Variants in DPP6 observed in about 807,000 individuals in gnomAD.
The protein encoded by DPP6 is A-type potassium channel modulatory protein DPP6.
A neutral mutation model predicts 122.6 loss-of-function variants in DPP6; 69 were observed. The ratio of observed to expected loss-of-function variants is 0.56; its 90% confidence interval spans 0.46 to 0.69. The LOEUF is 0.69. Among genes scored for constraint, DPP6 ranks in the 30% least tolerant of loss-of-function variants. The probability of loss-of-function intolerance (pLI) is 0.00; values close to 1 mark genes in which losing one functional copy is unlikely to be tolerated. For synonymous variants in DPP6, 418 were observed against 433.1 expected (o/e 0.97, Z 0.43); for missense variants, 928 against 1,116.9 (o/e 0.83, Z 2.41).
intron 1 of DPP6, among the ~76,000 whole-genome samples, chr7:153,953,070 T>C (rs1395232897): frequency 6.6e-6 from 1 of 152,216 alleles, no homozygotes; most frequent in Non-Finnish European, 1.5e-5. Context: ...ATCTCCAGCC[T>C]GCAGCAGTGA....
intron 1 of DPP6, among the ~76,000 whole-genome samples, chr7:153,960,375 G>A (rs1795283638): frequency 6.6e-6 from 1 of 151,984 alleles, no homozygotes; most frequent in South Asian, 2.1e-4. Flanking sequence ...GTTTTAGTTG[G>A]ACAAAAACAC....
intron 1 of DPP6, among the ~76,000 whole-genome samples, chr7:154,072,622 T>G (rs1803198862): frequency 6.6e-6 from 1 of 152,308 alleles, no homozygotes; most frequent in Admixed American, 6.5e-5. Flanking sequence ...ACCCTGATAT[T>G]ACGGGACGTC....
At chr7:153,965,224 A>T (rs1285801566) in intron 1 of DPP6, among the ~76,000 whole-genome samples, 2 of 152,018 alleles carry the variant, frequency 1.3e-5, no homozygotes, top group African/African-American at 2.4e-5. Context: ...ATGCTTGTTA[A>T]TGCTTTTATT....
intron 1 of DPP6, among the ~76,000 whole-genome samples, chr7:153,985,340 C>T (rs1186750040): frequency 6.6e-6 from 1 of 152,204 alleles, no homozygotes; most frequent in Non-Finnish European, 1.5e-5. Flanking sequence ...CACCACTCCC[C>T]TAAGAGCAAC....
intron 16 of DPP6, among the ~76,000 whole-genome samples, chr7:154,825,201 A>G (rs895640610): frequency 6.6e-6 from 1 of 152,222 alleles, no homozygotes. Flanking sequence ...TCACTTGGTC[A>G]TTAAGAAATC....
At chr7:154,300,891 TACGGTCTTTAAAGAGGTGA>T (rs1805856952) in intron 1 of DPP6, among the ~76,000 whole-genome samples, 1 of 152,206 alleles carries the variant, frequency 6.6e-6, no homozygotes, top group Admixed American at 6.5e-5. Flanking sequence ...TATTTGGAGA[TACGGTCTTTAAAGAGGTGA>T]ATCAAGTTAA....
At position 154,208,307 on chromosome 7, in the gene DPP6, A is replaced by G. The variant is rs372865311; in HGVS notation, c.243+155244A>G. ...GACTAGGTAAGAGTTGGCTAGAGACAAGGAAGCATTTCCTTGGCCAAAAAT... is the reference window on the plus strand; with the variant it reads ...GACTAGGTAAGAGTTGGCTAGAGACGAGGAAGCATTTCCTTGGCCAAAAAT... On this transcript the variant is annotated intron_variant, in intron 1 of 25. Transcript: ENST00000377770. Among the ~76,000 whole-genome samples the G allele has an allele frequency of 8.9e-4, 135 of 152,334 alleles. 1 individual carries two copies. Among genetic ancestry groups the G allele is most frequent in the African/African-American group, 3.2e-3 (132 of 41,578 alleles).
At chr7:154,320,846 G>A (rs10254968) in intron 1 of DPP6, among the ~76,000 whole-genome samples, 22,960 of 151,978 alleles carry the variant, frequency 0.15, 2,625 homozygotes, top group African/African-American at 0.32. Context: ...GAGTTTTAGA[G>A]GAGGTAGTGT....
In DPP6 at chr7:154,606,925, A is replaced by C. The variant is rs1343985620; in HGVS notation, c.628-30896A>C. On this transcript the variant is annotated intron_variant, in intron 5 of 25. Transcript: ENST00000377770. ...TTCACAGTCCAGAAAAATGTACATA[A>C]ATGTAAAGATACAGCATTCAACCAC... Among the ~76,000 whole-genome samples the C allele has an allele frequency of 1.6e-5, 2 of 121,566 alleles. 1 individual carries two copies. Among genetic ancestry groups the C allele is most frequent in the Non-Finnish European group, 3.7e-5 (2 of 53,868 alleles). The allele number at this position is 121,566 out of a possible 152,430, so 79.8% of individuals were successfully genotyped here.
At chr7:153,833,454 A>G in the DPP6 span, among the ~76,000 whole-genome samples, 4 of 152,202 alleles carry the variant, frequency 2.6e-5, no homozygotes, top group African/African-American at 7.2e-5. Flanking sequence ...CGGGCGGATC[A>G]CTTGAGGTCA....
intron 16 of DPP6, among the ~76,000 whole-genome samples, chr7:154,830,061 A>G (rs1800513627): frequency 6.6e-6 from 1 of 152,142 alleles, no homozygotes; most frequent in African/African-American, 2.4e-5. Flanking sequence ...TTCCTTTAAA[A>G]TTCTCTGGTT....
At chr7:154,637,372 A>G (rs961606672) in intron 5 of DPP6, among the ~76,000 whole-genome samples, 1 of 152,226 alleles carries the variant, frequency 6.6e-6, no homozygotes, top group African/African-American at 2.4e-5. Flanking sequence ...CTTGACTTCA[A>G]TATTGCAACT....
intron 2 of DPP6, among the ~76,000 whole-genome samples, chr7:154,451,190 A>G (rs1357625520): frequency 1.3e-5 from 2 of 151,870 alleles, no homozygotes; most frequent in Non-Finnish European, 2.9e-5. Context: ...GTGAAACCCC[A>G]TCTCTACTAA....
In DPP6 at chr7:154,123,029, G is replaced by A. The variant is rs577874908; in HGVS notation, c.243+69966G>A. Among the ~76,000 whole-genome samples, 914 of 152,072 alleles carry A rather than the reference G, an allele frequency of 6.0e-3. 8 individuals are homozygous for A. Among genetic ancestry groups the A allele is most frequent in the African/African-American group, 0.021 (872 of 41,454 alleles). The stretch of plus-strand genomic sequence containing the variant: ...ATCCTCGGGCACTGTTTTTCTGTCC[G>A]AAAAATCAGAATCGTATCAAAGGGT... On this transcript the variant is annotated intron_variant, in intron 1 of 25. Coordinates refer to ENST00000377770, the MANE Select transcript of DPP6 (RefSeq NM_130797.4).
Position 154,286,353 on chromosome 7 carries a change from T to C in DPP6, c.244-159861T>C, listed in dbSNP as rs543220558. Among the ~76,000 whole-genome samples, 3 of 152,258 alleles carry C rather than the reference T, an allele frequency of 2.0e-5. No individual in the cohort carries two copies. The East Asian group carries it at 5.8e-4, about 29-fold the overall frequency. ...ACTCACGGTCTGCAACTCATGTGCA[T>C]TCAGGACAGACATTGAGGCTTAGGG... On this transcript the variant is annotated intron_variant, in intron 1 of 25. Transcript: ENST00000377770.
chr7:154,343,975 G>A (rs1040177914), intron 1 of DPP6, among the ~76,000 whole-genome samples: 7 of 152,226 alleles, frequency 4.6e-5, no homozygotes, highest in South Asian at 4.1e-4. Context: ...CTCAGCCTCC[G>A]AAAGTGCTCG....
At chr7:154,418,404 A>G (rs1460209366) in intron 1 of DPP6, among the ~76,000 whole-genome samples, 1 of 152,260 alleles carries the variant, frequency 6.6e-6, no homozygotes, top group Non-Finnish European at 1.5e-5. Flanking sequence ...AACCTTGTTT[A>G]CAGTAGGTGC....
At chr7:153,750,341 A>G in the DPP6 span, among the ~76,000 whole-genome samples, 1 of 149,970 alleles carries the variant, frequency 6.7e-6, no homozygotes, top group African/African-American at 2.4e-5. Flanking sequence ...TCTACAGGAA[A>G]TGTATTTTAA....
At chr7:154,540,747 T>C in intron 4 of DPP6, 121 bp downstream of exon 4, 1 of 607,402 alleles carries the variant, frequency 1.6e-6, no homozygotes, top group East Asian at 3.0e-5. Flanking sequence ...AAACTTGTAA[T>C]ACTACAGGCT....
Sources: allele counts gnomAD v4.1 joint callset (sites outside exome capture counted in the v4.1 genomes callset), GRCh38; gene constraint gnomAD v4.1.1; transcripts MANE v1.5; gene names NCBI Gene and HGNC (gene_info 2026-07-23, HGNC 2026-07-21).